MGAT4A: variants seen among roughly 807,000 people sequenced by gnomAD.
MGAT4A encodes alpha-1,3-mannosyl-glycoprotein 4-beta-N-acetylglucosaminyltransferase A.
MGAT4A carries 33 observed loss-of-function variants against 74.1 expected under a neutral mutation model. The observed-to-expected ratio is 0.45, with a 90% CI of 0.34 to 0.60. The LOEUF (loss-of-function observed/expected upper bound fraction) is 0.60, where lower values mean the gene tolerates loss of function less well. Ranked by LOEUF, MGAT4A falls within the 20% of genes least tolerant of loss-of-function variation. MGAT4A has a pLI of 0.02. For synonymous variants in MGAT4A, 198 were observed against 210.4 expected (o/e 0.94, Z 0.51); for missense variants, 479 against 628.3 (o/e 0.76, Z 2.54).
chr2:98,633,130 G>C, intron 14 of MGAT4A, among the ~76,000 whole-genome samples: 1 of 152,154 alleles, frequency 6.6e-6, no homozygotes, highest in Non-Finnish European at 1.5e-5. Context: ...CGGTGATCAG[G>C]GCCAAGTATT....
intron 2 of MGAT4A, among the ~76,000 whole-genome samples, chr2:98,679,610 C>T (rs541149522): frequency 1.9e-4 from 29 of 152,078 alleles, no homozygotes; most frequent in African/African-American, 4.3e-4. Flanking sequence ...CCAGCCTGGG[C>T]GACAGAGTGA....
At position 98,723,132 on chromosome 2, in the gene MGAT4A, T is replaced by C. The variant is rs559123044; in HGVS notation, c.94+3107A>G. Among the ~76,000 whole-genome samples, 11 of 152,304 alleles carry C rather than the reference T, an allele frequency of 7.2e-5. No homozygotes were observed. The South Asian group carries it at 1.7e-3, about 23-fold the overall frequency. On this transcript the variant is annotated intron_variant, in intron 2 of 15. Coordinates refer to ENST00000393487, the MANE Select transcript of MGAT4A (RefSeq NM_012214.3). ...TGAGATACTCCCCAACTTATGCCAA[T>C]CCCATGGACCAGCTCATGTATTCTT...
chr2:98,715,910 T>C (rs1702585935), intron 2 of MGAT4A, among the ~76,000 whole-genome samples: 1 of 152,086 alleles, frequency 6.6e-6, no homozygotes, highest in Non-Finnish European at 1.5e-5. Context: ...ATGGCAAAAA[T>C]AGTAACTTTA....
rs1228541183 is a variant in MGAT4A, at chr2:98,625,493, A to T, written c.*73T>A. ...CAAGAGGTAGTGTTCAAGTAGAAAT[A>T]AAAAAAAGATACATGCTTAACTATC... On this transcript the variant is annotated 3_prime_UTR_variant, in exon 16 of 16. Coordinates refer to ENST00000393487, the MANE Select transcript of MGAT4A (RefSeq NM_012214.3). 8.3e-6 allele frequency: 13 copies of T among 1,573,822 alleles called. No individual in the cohort carries two copies. Among genetic ancestry groups the T allele is most frequent in the Non-Finnish European group, 9.5e-6 (11 of 1,163,892 alleles).
Position 98,678,416 on chromosome 2 carries a change from T to G in MGAT4A, c.150A>C (p.Ile50=). Residue 50 remains isoleucine (I), a synonymous_variant, in exon 3 of 16, where the codon ATA becomes ATC. Coordinates refer to ENST00000393487, the MANE Select transcript of MGAT4A (RefSeq NM_012214.3). The part of the protein sequence containing the change: ...EFLALKERLR[I]AEHRISQRSS... ...AGCGCTGTGAGATTCTGTGTTCAGC[T>G]ATTCGAAGACGTTCTTTCAAAGCAA... 6.3e-7 allele frequency: 1 copy of G among 1,592,886 alleles called. No homozygotes were observed.
In MGAT4A at chr2:98,622,737, C is replaced by T. The variant is rs1024976603; in HGVS notation, c.*2829G>A. The T allele has an allele frequency of 8.1e-6, 8 of 985,584 alleles. No individual in the cohort carries two copies. The highest frequency in any genetic ancestry group is 1.1e-4 in the East Asian group (1 of 8,838). The allele number at this position is 985,584 out of a possible 1,614,324, so 61.1% of individuals were successfully genotyped here. A position where few individuals can be genotyped will look rare whatever the true frequency, so the allele number is the denominator to read the frequency against. ...AGATGAGCAGTATGAGCTGCAGGCT[C>T]GCCTCAGGAACCTGAAATCTGGTCA... On this transcript the variant is annotated 3_prime_UTR_variant, in exon 16 of 16. Coordinates refer to ENST00000393487, the MANE Select transcript of MGAT4A (RefSeq NM_012214.3).
chr2:98,695,937 G>A (rs1189728725), intron 2 of MGAT4A, among the ~76,000 whole-genome samples: 2 of 148,664 alleles, frequency 1.3e-5, no homozygotes, highest in East Asian at 3.9e-4. Context: ...GGAGTCCAGT[G>A]GCACAATCTC....
At position 98,622,563 on chromosome 2, in the gene MGAT4A, T is replaced by C; in HGVS notation, c.*3003A>G. ...CAGGGACTCTTCCCCTCCCTTAATC[T>C]TCTGCCCTCACACTGCTCTTAAGGG... On this transcript the variant is annotated 3_prime_UTR_variant, in exon 16 of 16. Transcript: ENST00000393487. 1.0e-6 allele frequency: 1 copy of C among 985,442 alleles called. No homozygotes were observed. Among genetic ancestry groups the C allele is most frequent in the Non-Finnish European group, 1.2e-6 (1 of 829,936 alleles). The allele number at this position is 985,442 out of a possible 1,614,324, so 61.0% of individuals were successfully genotyped here. A position where few individuals can be genotyped will look rare whatever the true frequency, so the allele number is the denominator to read the frequency against.
intron 2 of MGAT4A, among the ~76,000 whole-genome samples, chr2:98,722,980 A>G: frequency 6.6e-6 from 1 of 151,900 alleles, no homozygotes; most frequent in East Asian, 1.9e-4. Flanking sequence ...CACAACACCC[A>G]CCTACAACTG....
intron 2 of MGAT4A, among the ~76,000 whole-genome samples, chr2:98,722,774 T>A (rs1702695294): frequency 6.6e-6 from 1 of 152,168 alleles, no homozygotes; most frequent in African/African-American, 2.4e-5. Flanking sequence ...TAACAAATGT[T>A]TACTACATGT....
At chr2:98,678,086 C>T (rs2104289304) in intron 3 of MGAT4A, among the ~76,000 whole-genome samples, 1 of 150,922 alleles carries the variant, frequency 6.6e-6, no homozygotes, top group South Asian at 2.1e-4. Context: ...AAAAATTAGC[C>T]AGGTGTGGTG....
chr2:98,702,716 C>T (rs1326490492), intron 2 of MGAT4A, among the ~76,000 whole-genome samples: 2 of 152,188 alleles, frequency 1.3e-5, no homozygotes, highest in Non-Finnish European at 2.9e-5. Flanking sequence ...AAGCACTGAC[C>T]AATCTTTACT....
intron 4 of MGAT4A, chr2:98,663,410 ATTAAAC>A (rs1701781969): frequency 3.3e-6 from 5 of 1,502,672 alleles, no homozygotes; most frequent in Non-Finnish European, 4.4e-6. Context: ...AATGAAAGAC[ATTAAAC>A]TTCACACTAA....
At chr2:98,660,113 A>C (rs1165897574) in intron 5 of MGAT4A, among the ~76,000 whole-genome samples, 1 of 152,266 alleles carries the variant, frequency 6.6e-6, no homozygotes, top group Non-Finnish European at 1.5e-5. Flanking sequence ...AAAGAAATCA[A>C]GAGAACAATC....
Position 98,655,438 on chromosome 2 carries a change from C to A in MGAT4A, c.774+7G>T. The stretch of plus-strand genomic sequence containing the variant: ...AGCATGAAAAACAAAGGAAAAACTA[C>A]ACTTACCTGAATGTAATATATGCCC... On this transcript the variant is annotated splice_region_variant and intron_variant, in intron 8 of 15. Coordinates refer to ENST00000393487, the MANE Select transcript of MGAT4A (RefSeq NM_012214.3). 1 of 1,582,886 alleles carries A rather than the reference C, an allele frequency of 6.3e-7. No individual in the cohort carries two copies. The highest frequency in any genetic ancestry group is 1.1e-5 in the South Asian group (1 of 87,114).
At chr2:98,700,424 T>G (rs1433470841) in intron 2 of MGAT4A, among the ~76,000 whole-genome samples, 1 of 149,904 alleles carries the variant, frequency 6.7e-6, no homozygotes, top group East Asian at 1.9e-4. Context: ...TATTGCATTA[T>G]CTGTCTATCT....
intron 12 of MGAT4A, 133 bp from the exon 13 acceptor site, chr2:98,636,728 T>G (rs1376576891): frequency 2.9e-6 from 2 of 692,906 alleles, no homozygotes; most frequent in Non-Finnish European, 2.6e-6. Flanking sequence ...CGCTAGAGCT[T>G]CTAATAACTG....
intron 2 of MGAT4A, among the ~76,000 whole-genome samples, chr2:98,700,544 C>T (rs1216235114): frequency 6.6e-6 from 1 of 151,920 alleles, no homozygotes; most frequent in Non-Finnish European, 1.5e-5. Flanking sequence ...TACCATATTG[C>T]AAATCAAAAC....
intron 10 of MGAT4A, among the ~76,000 whole-genome samples, chr2:98,643,562 G>C (rs1014579753): frequency 6.6e-6 from 1 of 152,016 alleles, no homozygotes; most frequent in Non-Finnish European, 1.5e-5. Flanking sequence ...ATCGTCCCCA[G>C]TATACAAGGA....
Sources: gnomAD v4.1 joint callset for allele counts (sites outside exome capture counted in the v4.1 genomes callset) on GRCh38, gnomAD v4.1.1 for gene constraint, MANE v1.5 for transcripts, NCBI Gene and HGNC (gene_info 2026-07-23, HGNC 2026-07-21) for gene names.